The following CDK17 variants were observed in gnomAD, a reference collection of about 807,000 sequenced individuals.
CDK17 encodes the protein cyclin-dependent kinase 17.
Under a neutral mutation model 77.6 loss-of-function variants are expected in CDK17, and 24 were observed. The ratio of observed to expected loss-of-function variants is 0.31; its 90% CI spans 0.22 to 0.44. CDK17 has a LOEUF of 0.44. CDK17 is among the 20% of genes least tolerant of loss of function. The pLI, the probability that CDK17 is intolerant of heterozygous loss-of-function variation, is 1.00. For missense variants in CDK17, 429 were observed against 622.5 expected (o/e 0.69, Z 3.31); for synonymous variants, 203 against 210.4 (o/e 0.96, Z 0.30).
chr12:96,392,549 C>T (rs1954086211), intron 1 of CDK17, among the ~76,000 whole-genome samples: 3 of 152,086 alleles, frequency 2.0e-5, no homozygotes, highest in African/African-American at 7.2e-5. Flanking sequence ...ATTAACAGGA[C>T]TTGGTGTGAC....
At chr12:96,395,497 G>A (rs1365031871) in intron 1 of CDK17, among the ~76,000 whole-genome samples, 1 of 152,186 alleles carries the variant, frequency 6.6e-6, no homozygotes, top group Non-Finnish European at 1.5e-5. Flanking sequence ...TTCTTCATTT[G>A]AAAACAGGCA....
At chr12:96,303,833 C>G (rs899094217) in intron 5 of CDK17, among the ~76,000 whole-genome samples, 5 of 152,092 alleles carry the variant, frequency 3.3e-5, no homozygotes, top group Admixed American at 6.6e-5. Context: ...TCTAGCTGAG[C>G]TTCAAAACAA....
chr12:96,306,296 G>A (rs1444046473), intron 5 of CDK17, among the ~76,000 whole-genome samples: 2 of 152,030 alleles, frequency 1.3e-5, no homozygotes, highest in Non-Finnish European at 2.9e-5. Context: ...GCCAGGAGAG[G>A]TAGCTTACAC....
intron 1 of CDK17, among the ~76,000 whole-genome samples, chr12:96,382,039 T>C (rs1275158555): frequency 1.3e-5 from 2 of 152,046 alleles, no homozygotes; most frequent in African/African-American, 4.8e-5. Flanking sequence ...ACAACAGAGA[T>C]ATCAGAAAAG....
At position 96,400,172 on chromosome 12, in the gene CDK17, T is replaced by C. The variant is rs1954238235; in HGVS notation, c.-216A>G. ...CGGCTCTCGCCGCGGGTCCGGAGCC[T>C]CGGGAGGGGCCGCGGGTGTCTCACG... is the stretch of plus-strand genomic sequence containing the variant. On this transcript the variant is annotated 5_prime_UTR_variant, in exon 1 of 17. Coordinates refer to ENST00000261211, the MANE Select transcript of CDK17 (RefSeq NM_002595.5). 1 of 394,364 alleles carries C rather than the reference T, an allele frequency of 2.5e-6. No individual in the cohort carries two copies. Among genetic ancestry groups the C allele is most frequent in the Non-Finnish European group, 4.5e-6 (1 of 223,340 alleles). 24.4% of individuals were successfully genotyped at this position (394,364 alleles called of 1,614,324 possible).
At position 96,297,610 on chromosome 12, in the gene CDK17, T is replaced by A. The variant is rs1301394347; in HGVS notation, c.810+17A>T. On this transcript the variant is annotated intron_variant, in intron 8 of 16. Coordinates refer to ENST00000261211, the MANE Select transcript of CDK17 (RefSeq NM_002595.5). ...TCTAAAGTAAAGTTAAATACTGAATTTTTATGAGATGCTTACCAGATACTC... is the reference window on the plus strand; with the variant it reads ...TCTAAAGTAAAGTTAAATACTGAATATTTATGAGATGCTTACCAGATACTC... 5.5e-6 allele frequency: 8 copies of A among 1,457,748 alleles called. No individual in the cohort carries two copies. The highest frequency in any genetic ancestry group is 6.6e-6 in the Non-Finnish European group (7 of 1,053,572). 90.3% of individuals were successfully genotyped at this position (1,457,748 alleles called of 1,614,324 possible). A position where few individuals can be genotyped will look rare whatever the true frequency, so the allele number is the denominator to read the frequency against.
chr12:96,326,116 T>G (rs1952889001), intron 2 of CDK17, among the ~76,000 whole-genome samples: 1 of 152,222 alleles, frequency 6.6e-6, no homozygotes, highest in Non-Finnish European at 1.5e-5. Flanking sequence ...AAACAAATTA[T>G]GCAAATCTTT....
At chr12:96,375,298 A>G (rs1199411282) in intron 1 of CDK17, among the ~76,000 whole-genome samples, 2 of 151,974 alleles carry the variant, frequency 1.3e-5, no homozygotes, top group African/African-American at 4.8e-5. Context: ...TCTCTATAAC[A>G]ATATCTTGGT....
At chr12:96,299,681 G>A (rs776236210) in intron 6 of CDK17, among the ~76,000 whole-genome samples, 16 of 152,138 alleles carry the variant, frequency 1.1e-4, no homozygotes, top group South Asian at 2.1e-4. Context: ...GAGCCACCGC[G>A]CCCGGCAATC....
intron 13 of CDK17, among the ~76,000 whole-genome samples, chr12:96,285,391 G>C (rs1184626272): frequency 6.6e-6 from 1 of 152,030 alleles, no homozygotes; most frequent in African/African-American, 2.4e-5. Context: ...GAATGGCTTT[G>C]GGTTAAAATA....
chr12:96,378,657 A>G (rs1053566889), intron 1 of CDK17, among the ~76,000 whole-genome samples: 2 of 152,256 alleles, frequency 1.3e-5, no homozygotes, highest in African/African-American at 4.8e-5. Flanking sequence ...TCAAATAGAA[A>G]ATGTTACATG....
chr12:96,365,834 G>C (rs960930000), intron 1 of CDK17, among the ~76,000 whole-genome samples: 5 of 152,154 alleles, frequency 3.3e-5, no homozygotes, highest in Admixed American at 3.3e-4. Flanking sequence ...TTGAGCCTAG[G>C]AGTTCAAGAC....
chr12:96,307,244 G>A (rs1451466059), intron 5 of CDK17, among the ~76,000 whole-genome samples: 5 of 152,100 alleles, frequency 3.3e-5, no homozygotes, highest in South Asian at 2.1e-4. Flanking sequence ...GCGGTGACCC[G>A]AGATCATGCC....
chr12:96,332,705 T>G (rs766137740), intron 2 of CDK17, among the ~76,000 whole-genome samples: 27 of 152,224 alleles, frequency 1.8e-4, no homozygotes, highest in Non-Finnish European at 1.8e-4. Context: ...ATGTCTCTTA[T>G]GACGTCTTGA....
intron 1 of CDK17, among the ~76,000 whole-genome samples, chr12:96,360,773 A>G (rs1212676762): frequency 6.6e-6 from 1 of 152,196 alleles, no homozygotes; most frequent in Non-Finnish European, 1.5e-5. Context: ...GGCTCTGCAC[A>G]TTGCAGAGGC....
chr12:96,307,657 G>A (rs1239275751), intron 5 of CDK17, among the ~76,000 whole-genome samples: 1 of 152,008 alleles, frequency 6.6e-6, no homozygotes, highest in Non-Finnish European at 1.5e-5. Flanking sequence ...GATCACTTGA[G>A]GTCAGGAATT....
At chr12:96,299,580 G>A (rs974895255) in intron 6 of CDK17, among the ~76,000 whole-genome samples, 8 of 152,050 alleles carry the variant, frequency 5.3e-5, no homozygotes, top group African/African-American at 1.7e-4. Flanking sequence ...CAGTACAGAC[G>A]GGGTTTCACC....
intron 1 of CDK17, among the ~76,000 whole-genome samples, chr12:96,388,779 A>G (rs1344911585): frequency 1.3e-5 from 2 of 152,192 alleles, no homozygotes; most frequent in African/African-American, 4.8e-5. Flanking sequence ...CAAGCTGTAC[A>G]AGCATAATGC....
intron 3 of CDK17, among the ~76,000 whole-genome samples, chr12:96,320,605 C>G (rs1952802901): frequency 1.3e-5 from 2 of 151,420 alleles, no homozygotes; most frequent in South Asian, 4.2e-4. Flanking sequence ...GGTACCAAAA[C>G]AGAGATATAG....
Sources: gnomAD v4.1 joint callset for allele counts (sites outside exome capture counted in the v4.1 genomes callset) on GRCh38, gnomAD v4.1.1 for gene constraint, MANE v1.5 for transcripts, NCBI Gene and HGNC (gene_info 2026-07-23, HGNC 2026-07-21) for gene names.